The following TASP1 variants were observed in gnomAD, a reference collection of about 807,000 sequenced individuals.
TASP1 encodes the protein threonine aspartase 1.
In TASP1, 16 loss-of-function variants were observed where a neutral mutation model predicts 56.6. That is an observed-to-expected ratio of 0.28 (90% CI 0.19 to 0.43). The LOEUF is 0.43. Ranked by LOEUF, TASP1 falls within the 20% of genes least tolerant of loss-of-function variation. The pLI is 1.00. For missense variants in TASP1, 393 were observed against 511.6 expected (o/e 0.77, Z 2.24); for synonymous variants, 179 against 184.2 (o/e 0.97, Z 0.23).
At chr20:13,346,718 C>A in the TASP1 span, among the ~76,000 whole-genome samples, 1 of 152,216 alleles carries the variant, frequency 6.6e-6, no homozygotes, top group African/African-American at 2.4e-5. Context: ...GTCATCAGGG[C>A]TTCAGAGAAG....
the TASP1 span, among the ~76,000 whole-genome samples, chr20:13,293,738 C>G: frequency 6.6e-6 from 1 of 152,160 alleles, no homozygotes; most frequent in Non-Finnish European, 1.5e-5. Context: ...CTTTGGGAGG[C>G]TGAGGCGGGT....
intron 13 of TASP1, among the ~76,000 whole-genome samples, chr20:13,402,935 C>T (rs6134862): frequency 0.52 from 79,664 of 152,106 alleles, 22,999 homozygotes; most frequent in Non-Finnish European, 0.65. Context: ...AATATTCTCC[C>T]TTCTTCTTTC....
At chr20:13,474,168 A>T (rs1309079557) in intron 11 of TASP1, among the ~76,000 whole-genome samples, 1 of 152,198 alleles carries the variant, frequency 6.6e-6, no homozygotes, top group Non-Finnish European at 1.5e-5. Context: ...TTTGGGTTTC[A>T]ATGGTTTTGA....
the TASP1 span, among the ~76,000 whole-genome samples, chr20:13,360,710 ACG>A: frequency 6.6e-6 from 1 of 152,152 alleles, no homozygotes; most frequent in African/African-American, 2.4e-5. Flanking sequence ...CTCATACCTG[ACG>A]CATATACTTT....
At chr20:13,349,935 G>C in the TASP1 span, among the ~76,000 whole-genome samples, 2 of 152,314 alleles carry the variant, frequency 1.3e-5, no homozygotes, top group Admixed American at 1.3e-4. Flanking sequence ...AAGATCTCTT[G>C]AGCCCAGGAG....
the TASP1 span, among the ~76,000 whole-genome samples, chr20:13,311,734 A>C: frequency 6.6e-6 from 1 of 152,234 alleles, no homozygotes; most frequent in Non-Finnish European, 1.5e-5. Context: ...ATCTAAAAAA[A>C]TCAAACTCAT....
At chr20:13,265,069 CT>C in the TASP1 span, among the ~76,000 whole-genome samples, 4 of 152,176 alleles carry the variant, frequency 2.6e-5, no homozygotes, top group African/African-American at 9.7e-5. Context: ...TAATATTTAA[CT>C]CTGTTATTTC....
the TASP1 span, among the ~76,000 whole-genome samples, chr20:13,281,281 T>C: frequency 1.1e-3 from 168 of 152,274 alleles, no homozygotes; most frequent in African/African-American, 3.9e-3. Flanking sequence ...ATGGTAGAGA[T>C]GTACATCAAA....
chr20:13,450,921 G>T (rs1247637611), intron 11 of TASP1, among the ~76,000 whole-genome samples: 2 of 152,060 alleles, frequency 1.3e-5, no homozygotes, highest in Non-Finnish European at 2.9e-5. Context: ...TTCATCAGAA[G>T]AATCACTATC....
the TASP1 span, among the ~76,000 whole-genome samples, chr20:13,144,703 G>A: frequency 6.6e-6 from 1 of 152,198 alleles, no homozygotes; most frequent in Non-Finnish European, 1.5e-5. Flanking sequence ...TTTTCTGAAA[G>A]GTCCAACCTA....
At chr20:13,379,074 A>G in the TASP1 span, among the ~76,000 whole-genome samples, 1 of 152,248 alleles carries the variant, frequency 6.6e-6, no homozygotes, top group African/African-American at 2.4e-5. Flanking sequence ...GCCCATTTAC[A>G]TTTAAGGTTA....
intron 10 of TASP1, among the ~76,000 whole-genome samples, chr20:13,520,579 G>A (rs1415799890): frequency 6.6e-6 from 1 of 152,158 alleles, no homozygotes; most frequent in Non-Finnish European, 1.5e-5. Context: ...TATGTAGAAG[G>A]CTGAAACTGG....
chr20:13,526,386 T>C (rs759432109), intron 10 of TASP1, among the ~76,000 whole-genome samples: 6 of 152,164 alleles, frequency 3.9e-5, no homozygotes, highest in Non-Finnish European at 8.8e-5. Flanking sequence ...AATGCAACTA[T>C]GAATTAGTCT....
At chr20:13,512,149 T>C (rs2044355210) in intron 10 of TASP1, among the ~76,000 whole-genome samples, 1 of 152,144 alleles carries the variant, frequency 6.6e-6, no homozygotes, top group African/African-American at 2.4e-5. Flanking sequence ...TCAAATGGTA[T>C]TTCTAGTTCT....
chr20:13,603,387 C>G (rs945005118), intron 4 of TASP1, among the ~76,000 whole-genome samples: 10 of 151,406 alleles, frequency 6.6e-5, no homozygotes, highest in African/African-American at 2.4e-4. Flanking sequence ...AAAAAAAATA[C>G]AAAAATTTGC....
chr20:13,425,777 T>C (rs750232532), intron 12 of TASP1, among the ~76,000 whole-genome samples: 29 of 152,088 alleles, frequency 1.9e-4, no homozygotes, highest in Non-Finnish European at 3.7e-4. Flanking sequence ...TTTTTGCCCC[T>C]GGTTGTTAGG....
intron 10 of TASP1, among the ~76,000 whole-genome samples, chr20:13,519,202 G>A (rs1220477910): frequency 1.3e-5 from 2 of 152,102 alleles, no homozygotes; most frequent in Non-Finnish European, 2.9e-5. Context: ...AGAGGCACAA[G>A]GGTTGAAAAA....
chr20:13,382,245 A>G, the TASP1 span, among the ~76,000 whole-genome samples: 3 of 152,144 alleles, frequency 2.0e-5, no homozygotes, highest in African/African-American at 7.2e-5. Context: ...CATATTCTTA[A>G]TTTGTTTTAT....
the TASP1 span, among the ~76,000 whole-genome samples, chr20:13,308,266 A>T: frequency 6.6e-6 from 1 of 152,234 alleles, no homozygotes; most frequent in East Asian, 1.9e-4. Flanking sequence ...AATCTGATGT[A>T]ACTCAGATGC....
Sources: gnomAD v4.1 joint callset for allele counts (sites outside exome capture counted in the v4.1 genomes callset) on GRCh38, gnomAD v4.1.1 for gene constraint, MANE v1.5 for transcripts, NCBI Gene and HGNC (gene_info 2026-07-23, HGNC 2026-07-21) for gene names.